EIF2S2: variants seen among roughly 807,000 people sequenced by gnomAD.
EIF2S2 encodes the protein eukaryotic translation initiation factor 2 subunit beta, also known as eukaryotic translation initiation factor 2 subunit 2.
A neutral mutation model predicts 44.0 loss-of-function variants in EIF2S2; 4 were observed. The ratio of observed to expected loss-of-function variants is 0.09; its 90% confidence interval spans 0.04 to 0.21. The LOEUF (loss-of-function observed/expected upper bound fraction) is 0.21. Ranked by LOEUF, EIF2S2 falls within the 10% of genes least tolerant of loss-of-function variation. EIF2S2 has a pLI of 1.00. For synonymous variants in EIF2S2, 108 were observed against 128.3 expected (o/e 0.84, Z 1.07); for missense variants, 154 against 392.0 (o/e 0.39, Z 5.13).
rs187485983 is a variant in EIF2S2, at chr20:34,091,857, G to A, written c.741-1255C>T. 7.2e-4 allele frequency among the ~76,000 whole-genome samples: 108 copies of A among 149,762 alleles called. 2 individuals carry two copies. Among genetic ancestry groups the A allele is most frequent in the Non-Finnish European group, 9.5e-4 (64 of 67,708 alleles). ...TGTCTTGCGAGAGAGACGGACGTCCGAGTGGGACTCTCCTGGATTATACAC... is the reference window on the plus strand; with the variant it reads ...TGTCTTGCGAGAGAGACGGACGTCCAAGTGGGACTCTCCTGGATTATACAC... On this transcript the variant is annotated intron_variant, in intron 7 of 8. Transcript: ENST00000374980.
intron 1 of EIF2S2, among the ~76,000 whole-genome samples, chr20:34,111,484 T>A (rs1339665657): frequency 1.3e-5 from 2 of 152,156 alleles, no homozygotes; most frequent in African/African-American, 4.8e-5. Context: ...GGTAGCCCTC[T>A]GTTAAGGGAA....
At chr20:34,094,257 A>T (rs2034201846) in intron 6 of EIF2S2, among the ~76,000 whole-genome samples, 1 of 152,228 alleles carries the variant, frequency 6.6e-6, no homozygotes, top group South Asian at 2.1e-4. Context: ...GTGCGTAAGC[A>T]TCTAGAAACA....
chr20:34,096,397 T>C (rs975208710), intron 6 of EIF2S2, among the ~76,000 whole-genome samples: 1 of 152,120 alleles, frequency 6.6e-6, no homozygotes, highest in Admixed American at 6.5e-5. Flanking sequence ...CCCAGGAGAT[T>C]GAGGCTGCAG....
At chr20:34,103,861 C>T (rs1260602762) in intron 2 of EIF2S2, among the ~76,000 whole-genome samples, 1 of 152,108 alleles carries the variant, frequency 6.6e-6, no homozygotes, top group Non-Finnish European at 1.5e-5. Flanking sequence ...CATGTGCCAC[C>T]ATGCCCAGCA....
chr20:34,094,456 G>A (rs1385306052), intron 6 of EIF2S2, among the ~76,000 whole-genome samples: 1 of 152,098 alleles, frequency 6.6e-6, no homozygotes, highest in Non-Finnish European at 1.5e-5. Context: ...TGAAGCAAAT[G>A]TGTCAAAAGT....
At chr20:34,097,083 G>C (rs1248666962) in intron 5 of EIF2S2, among the ~76,000 whole-genome samples, 2 of 152,214 alleles carry the variant, frequency 1.3e-5, no homozygotes, top group Non-Finnish European at 2.9e-5. Context: ...GGAAAAGTAA[G>C]ATTCAGGAAA....
intron 1 of EIF2S2, among the ~76,000 whole-genome samples, 155 bp downstream of exon 1, chr20:34,111,941 G>C (rs937906554): frequency 6.6e-5 from 10 of 152,242 alleles, no homozygotes; most frequent in Non-Finnish European, 1.5e-4. Flanking sequence ...TGCGGCTCCG[G>C]AGTCCTCGCC....
intron 1 of EIF2S2, among the ~76,000 whole-genome samples, chr20:34,109,712 T>C (rs773118083): frequency 2.0e-5 from 3 of 151,494 alleles, no homozygotes; most frequent in Non-Finnish European, 4.4e-5. Context: ...TTCTACTAGG[T>C]TGAAAATCGT....
chr20:34,103,340 G>A, intron 3 of EIF2S2, 122 bp downstream of exon 3: 6 of 1,305,260 alleles, frequency 4.6e-6, no homozygotes, highest in Non-Finnish European at 6.2e-6. Flanking sequence ...CGCTACCAGT[G>A]GCAATTAAGT....
At chr20:34,108,356 C>T (rs1568719987) in intron 1 of EIF2S2, 1 of 152,142 alleles carries the variant, frequency 6.6e-6, no homozygotes, top group East Asian at 1.9e-4. Context: ...ACTTAACATA[C>T]ATACTCATTG....
chr20:34,109,595 G>A (rs1242956362), intron 1 of EIF2S2, among the ~76,000 whole-genome samples: 1 of 151,838 alleles, frequency 6.6e-6, no homozygotes, highest in Non-Finnish European at 1.5e-5. Flanking sequence ...AGGTGACAGA[G>A]GCCACAGTGA....
chr20:34,105,338 A>G (rs368907070), intron 2 of EIF2S2, 30 bp downstream of exon 2: 28 of 1,599,918 alleles, frequency 1.8e-5, no homozygotes, highest in Middle Eastern at 3.3e-4. Context: ...CTTCTATGAC[A>G]ACAGTAACTC....
Position 34,097,531 on chromosome 20 carries a change from G to T in EIF2S2, c.434-15C>A, listed in dbSNP as rs1397185190. The T allele has an allele frequency of 6.2e-7, 1 of 1,607,398 alleles. No homozygotes were observed. Among genetic ancestry groups the T allele is most frequent in the Non-Finnish European group, 8.5e-7 (1 of 1,177,468 alleles). ...ATCTTCTAGAGCTACAGATAAAAAAGATTTTAAGAATGAGGGGTGGGCCCT... is the reference window on the plus strand; with the variant it reads ...ATCTTCTAGAGCTACAGATAAAAAATATTTTAAGAATGAGGGGTGGGCCCT... On this transcript the variant is annotated splice_polypyrimidine_tract_variant and intron_variant, in intron 4 of 8. Coordinates refer to ENST00000374980, the MANE Select transcript of EIF2S2 (RefSeq NM_003908.5).
At chr20:34,097,313 C>A in intron 5 of EIF2S2, 103 bp downstream of exon 5, 2 of 966,202 alleles carry the variant, frequency 2.1e-6, no homozygotes, top group South Asian at 3.1e-5. Context: ...ATCTGTTCCA[C>A]CATCAGTCAT....
chr20:34,095,381 C>G (rs1389977060), intron 6 of EIF2S2, among the ~76,000 whole-genome samples: 1 of 148,900 alleles, frequency 6.7e-6, no homozygotes, highest in Admixed American at 6.7e-5. Flanking sequence ...GGCACAATCT[C>G]AGCTCACTGC....
intron 1 of EIF2S2, among the ~76,000 whole-genome samples, chr20:34,111,520 C>G (rs557883807): frequency 6.6e-6 from 1 of 152,314 alleles, no homozygotes; most frequent in East Asian, 1.9e-4. Flanking sequence ...CGGAAACTTT[C>G]CGGGAAGGTC....
intron 4 of EIF2S2, 41 bp downstream of exon 4, chr20:34,098,457 T>C: frequency 6.2e-7 from 1 of 1,607,872 alleles, no homozygotes; most frequent in Non-Finnish European, 8.5e-7. Flanking sequence ...GGCCAAAGGC[T>C]TGAGTAACCT....
Position 34,112,226 on chromosome 20 carries a change from T to A in EIF2S2, c.-116A>T. ...CCCACCACCGCACTAGGCTCTTGCA[T>A]CAGCGAAAGGAAACGACACCCCGCC... On this transcript the variant is annotated 5_prime_UTR_variant, in exon 1 of 9. The change abolishes an upstream ATG in the 5' untranslated region. Coordinates refer to ENST00000374980, the MANE Select transcript of EIF2S2 (RefSeq NM_003908.5). 2 of 1,178,472 alleles carry A rather than the reference T, an allele frequency of 1.7e-6. No individual in the cohort carries two copies. Among genetic ancestry groups the A allele is most frequent in the Non-Finnish European group, 2.3e-6 (2 of 885,828 alleles). 73.0% of individuals were successfully genotyped at this position (1,178,472 alleles called of 1,614,324 possible). A position where few individuals can be genotyped will look rare whatever the true frequency, so the allele number is the denominator to read the frequency against.
chr20:34,103,578 A>G lies in EIF2S2; in HGVS notation c.194-13T>C. On this transcript the variant is annotated splice_polypyrimidine_tract_variant and intron_variant, in intron 2 of 8. Transcript: ENST00000374980. Reference sequence around the variant, plus strand: ...TCATCAGAAGCATCTAAAAAGACCAAGGCATAATTATTAACAACTAAAAGG... The same window carrying G: ...TCATCAGAAGCATCTAAAAAGACCAGGGCATAATTATTAACAACTAAAAGG... 6.5e-7 allele frequency: 1 copy of G among 1,541,788 alleles called. No homozygotes were observed. Among genetic ancestry groups the G allele is most frequent in the Non-Finnish European group, 8.7e-7 (1 of 1,145,986 alleles).
Sources: allele counts gnomAD v4.1 joint callset (sites outside exome capture counted in the v4.1 genomes callset), GRCh38; gene constraint gnomAD v4.1.1; transcripts MANE v1.5; gene names NCBI Gene and HGNC (gene_info 2026-07-23, HGNC 2026-07-21).